The following KDM1B variants were observed in gnomAD, a reference collection of about 807,000 sequenced individuals.
KDM1B encodes the protein lysine-specific histone demethylase 2.
Under a neutral mutation model 107.4 loss-of-function variants are expected in KDM1B, and 63 were observed. The observed-to-expected ratio is 0.59, with a 90% CI of 0.48 to 0.72. The LOEUF is 0.72. Among genes scored for constraint, KDM1B ranks in the 30% least tolerant of loss-of-function variants. KDM1B has a pLI of 0.00. For synonymous variants in KDM1B, 363 were observed against 363.9 expected (o/e 1.00, Z 0.03); for missense variants, 749 against 1,020.8 (o/e 0.73, Z 3.63).
chr6:18,158,732 CTAATT>C (rs1022915081), intron 2 of KDM1B, among the ~76,000 whole-genome samples: 15 of 152,132 alleles, frequency 9.9e-5, no homozygotes, highest in African/African-American at 3.6e-4. Context: ...ATTCCTTAAT[CTAATT>C]GAAAAAAATT....
intron 7 of KDM1B, among the ~76,000 whole-genome samples, chr6:18,173,186 C>G (rs1431932775): frequency 6.6e-6 from 1 of 151,724 alleles, no homozygotes; most frequent in Non-Finnish European, 1.5e-5. Flanking sequence ...TTGTACCATA[C>G]TACAACATTT....
intron 10 of KDM1B, among the ~76,000 whole-genome samples, chr6:18,194,206 G>A (rs1787492810): frequency 6.6e-6 from 1 of 152,102 alleles, no homozygotes; most frequent in African/African-American, 2.4e-5. Context: ...TAGAGATGGG[G>A]TTTCAACCAT....
At chr6:18,168,866 T>TTTTTG (rs1453784407) in intron 6 of KDM1B, among the ~76,000 whole-genome samples, 1 of 152,186 alleles carries the variant, frequency 6.6e-6, no homozygotes, top group Non-Finnish European at 1.5e-5. Flanking sequence ...CCTTTGCCCA[T>TTTTTG]TTTTGTTTTG....
At chr6:18,188,780 AT>A (rs55767862) in intron 9 of KDM1B, among the ~76,000 whole-genome samples, 22,202 of 139,272 alleles carry the variant, frequency 0.16, 2,216 homozygotes, top group African/African-American at 0.29. Flanking sequence ...CAGCTGGTTA[AT>A]TTTTTTTTTT....
chr6:18,208,190 G>T lies in KDM1B; in HGVS notation c.1850G>T (p.Gly617Val), dbSNP rs146349701. ...CAGGTTACCACTACAGATGGCACAG[G>T]GTATTCTGCACAAAAGGTAAGAGCT... ...EVQVTTTDGTGYSAQKVLVTV... is the reference protein window; with the variant it reads ...EVQVTTTDGTVYSAQKVLVTV... Residue 617 changes from glycine (G) to valine (V), a missense_variant, in exon 17 of 22, where the codon GGG becomes GTG. By Grantham distance (109) the Gly-to-Val change is moderately radical. Coordinates refer to ENST00000650836, the MANE Select transcript of KDM1B (RefSeq NM_001364614.2). 4.4e-4 allele frequency: 711 copies of T among 1,613,102 alleles called. 1 individual carries two copies. Among genetic ancestry groups the T allele is most frequent in the Non-Finnish European group, 5.8e-4 (688 of 1,179,424 alleles).
Position 18,201,643 on chromosome 6 carries a change from A to G in KDM1B, c.1517A>G (p.Asp506Gly), listed in dbSNP as rs1381790829. The G allele has an allele frequency of 6.5e-7, 1 of 1,550,292 alleles. No individual in the cohort carries two copies. The highest frequency in any genetic ancestry group is 1.2e-5 in the South Asian group (1 of 83,864). ...AGAAAGGATAAGACTCAGCTCCAAGATGTCCCTTTAGGAGGTATGGGGAGA... is the reference window on the plus strand; with the variant it reads ...AGAAAGGATAAGACTCAGCTCCAAGGTGTCCCTTTAGGAGGTATGGGGAGA... ...EWRKDKTQLQ[D>G]VPLGEKIEEI... The change falls in exon 14 of 22, where the codon GAT becomes GGT. Residue 506 changes from aspartate to glycine, a missense_variant. By Grantham distance (94) the Asp-to-Gly change is moderately conservative. Coordinates refer to ENST00000650836, the MANE Select transcript of KDM1B (RefSeq NM_001364614.2). The surrounding 1 kb of genome is among the most constrained non-coding windows in gnomAD (Gnocchi z 4.3).
At position 18,214,676 on chromosome 6, in the gene KDM1B, G is replaced by A. The variant is rs1279938316; in HGVS notation, c.2110-331G>A. Among the ~76,000 whole-genome samples the A allele has an allele frequency of 1.3e-5, 2 of 152,180 alleles. No individual in the cohort carries two copies. The highest frequency in any genetic ancestry group is 2.4e-5 in the African/African-American group (1 of 41,442). On this transcript the variant is annotated intron_variant, in intron 19 of 21. Transcript: ENST00000650836. The surrounding 1 kb of genome is among the most constrained non-coding windows in gnomAD (Gnocchi z 4.4). Reference sequence around the variant, plus strand: ...TGTAATCCCAGCACTTTGGGAGGCCGAGGTGGGTGGATCACCTGAGGTCAG... The same window carrying A: ...TGTAATCCCAGCACTTTGGGAGGCCAAGGTGGGTGGATCACCTGAGGTCAG...
intron 7 of KDM1B, among the ~76,000 whole-genome samples, chr6:18,179,849 C>CTTTTTTTTTTTTTTTTTT (rs1786318961): frequency 1.0e-5 from 1 of 96,236 alleles, no homozygotes; most frequent in African/African-American, 4.2e-5. Context: ...GGTTTTTTTT[C>CTTTTTTTTTTTTTTTTTT]CTTTTTTTTT....
At chr6:18,199,773 A>T (rs1035318856) in intron 12 of KDM1B, among the ~76,000 whole-genome samples, 3 of 151,218 alleles carry the variant, frequency 2.0e-5, no homozygotes, top group Admixed American at 2.0e-4. Context: ...GAATTTTGCT[A>T]TGTAGATATT....
In KDM1B at chr6:18,213,854, T is replaced by G; in HGVS notation, c.2109+73T>G. 3 of 1,536,612 alleles carry G rather than the reference T, an allele frequency of 2.0e-6. No homozygotes were observed. Among genetic ancestry groups the G allele is most frequent in the Non-Finnish European group, 2.7e-6 (3 of 1,113,118 alleles). ...GAATTTGATGTGATAATTACTCACC[T>G]ATCAAGCTCAGGAACTAACGAACAT... On this transcript the variant is annotated intron_variant, in intron 19 of 21. Coordinates refer to ENST00000650836, the MANE Select transcript of KDM1B (RefSeq NM_001364614.2). This position sits in a 1 kb window ranked among gnomAD's most constrained non-coding sequence, Gnocchi z 5.9.
rs796763250 is a variant in KDM1B, at chr6:18,222,434, C to T, written c.*442C>T. ...TGTGACAATTTATCAGTATCTTTAC[C>T]AATGAGCCTTAATTTTTATATAGGT... On this transcript the variant is annotated 3_prime_UTR_variant, in exon 22 of 22. Coordinates refer to ENST00000650836, the MANE Select transcript of KDM1B (RefSeq NM_001364614.2). 6.9e-6 allele frequency: 2 copies of T among 289,102 alleles called. No homozygotes were observed. The highest frequency in any genetic ancestry group is 4.5e-5 in the African/African-American group (2 of 44,828). 17.9% of individuals were successfully genotyped at this position (289,102 alleles called of 1,614,324 possible). A position where few individuals can be genotyped will look rare whatever the true frequency, so the allele number is the denominator to read the frequency against.
chr6:18,195,280 A>G (rs112758030), intron 10 of KDM1B, among the ~76,000 whole-genome samples: 4 of 152,256 alleles, frequency 2.6e-5, no homozygotes, highest in African/African-American at 9.6e-5. Flanking sequence ...TCTTTTTGGT[A>G]TATACTAAGG....
chr6:18,163,721 G>A (rs1362201711), intron 5 of KDM1B, among the ~76,000 whole-genome samples: 1 of 151,862 alleles, frequency 6.6e-6, no homozygotes, highest in East Asian at 1.9e-4. Context: ...CAAATATTTG[G>A]GACACCTCCA....
In KDM1B at chr6:18,212,301, C is replaced by T; in HGVS notation, c.1867-187C>T. 1.6e-6 allele frequency: 1 copy of T among 629,458 alleles called. No homozygotes were observed. The highest frequency in any genetic ancestry group is 2.9e-6 in the Non-Finnish European group (1 of 349,514). 39.0% of individuals were successfully genotyped at this position (629,458 alleles called of 1,614,324 possible). On this transcript the variant is annotated intron_variant, in intron 17 of 21. Transcript: ENST00000650836. The surrounding 1 kb of genome is among the most constrained non-coding windows in gnomAD (Gnocchi z 5.2). Reference sequence around the variant, plus strand: ...TCACCATCAGGACGTTTTTTGCCCACTCTTCCCTGTGGTTGCCACTTCTGC... The same window carrying T: ...TCACCATCAGGACGTTTTTTGCCCATTCTTCCCTGTGGTTGCCACTTCTGC...
Position 18,197,765 on chromosome 6 carries a change from A to G in KDM1B, c.1221+104A>G. The G allele has an allele frequency of 2.8e-6, 2 of 713,584 alleles. No individual in the cohort carries two copies. The highest frequency in any genetic ancestry group is 4.8e-6 in the Non-Finnish European group (2 of 418,062). 44.2% of individuals were successfully genotyped at this position (713,584 alleles called of 1,614,324 possible). ...GTTCCTATTTTTAGTGAAGAATACT[A>G]AATACATTATATGTTTATATTAGGT... On this transcript the variant is annotated intron_variant, in intron 12 of 21. Coordinates refer to ENST00000650836, the MANE Select transcript of KDM1B (RefSeq NM_001364614.2). This position sits in a 1 kb window ranked among gnomAD's most constrained non-coding sequence, Gnocchi z 4.5.
intron 15 of KDM1B, among the ~76,000 whole-genome samples, chr6:18,206,009 GTA>G (rs1338436436): frequency 2.0e-5 from 3 of 152,008 alleles, no homozygotes; most frequent in Non-Finnish European, 4.4e-5. Context: ...TTGTTTTTGT[GTA>G]TGTGTGTGTG....
Position 18,197,059 on chromosome 6 carries a change from A to G in KDM1B, c.972A>G (p.Glu324=), listed in dbSNP as rs1787697205. 6.3e-7 allele frequency: 1 copy of G among 1,594,206 alleles called. No homozygotes were observed. The highest frequency in any genetic ancestry group is 8.6e-7 in the Non-Finnish European group (1 of 1,167,268). Residue 324 remains glutamate, a splice_region_variant and synonymous_variant, in exon 11 of 22, where the codon GAA becomes GAG. Transcript: ENST00000650836. This position sits in a 1 kb window ranked among gnomAD's most constrained non-coding sequence, Gnocchi z 4.5. ...ILALWYTNCK[E]ALTPQKCIPH... ...TTTGGTTTTATTTCCAAACACAGGA[A>G]GCTCTTACTCCTCAGAAATGTATTC...
intron 10 of KDM1B, 125 bp from the exon 11 acceptor site, chr6:18,196,932 A>G (rs1787687088): frequency 2.2e-6 from 2 of 908,346 alleles, no homozygotes; most frequent in South Asian, 1.7e-5. Context: ...CCATTTGAGC[A>G]TCTGCCTTTG....
Position 18,213,151 on chromosome 6 carries a change from G to A in KDM1B, c.1984-505G>A, listed in dbSNP as rs1223049178. 2.0e-5 allele frequency among the ~76,000 whole-genome samples: 3 copies of A among 152,102 alleles called. No homozygotes were observed. The highest frequency in any genetic ancestry group is 4.8e-5 in the African/African-American group (2 of 41,432). On this transcript the variant is annotated intron_variant, in intron 18 of 21. Transcript: ENST00000650836. The surrounding 1 kb of genome is among the most constrained non-coding windows in gnomAD (Gnocchi z 5.9). The stretch of plus-strand genomic sequence containing the variant: ...AACTGAGTGGCATCAAAAGCAAGGA[G>A]CTGGGCTGGGCACAGTGGCTCATGC...
Sources: allele counts gnomAD v4.1 joint callset (sites outside exome capture counted in the v4.1 genomes callset), GRCh38; gene constraint gnomAD v4.1.1; non-coding constraint Gnocchi (gnomAD v3.1); transcripts MANE v1.5; gene names NCBI Gene and HGNC (gene_info 2026-07-23, HGNC 2026-07-21).